The following CENPI variants were observed in gnomAD, a reference collection of about 807,000 sequenced individuals.
CENPI encodes FSH primary response 1.
CENPI carries 4 observed loss-of-function variants against 60.4 expected under a neutral mutation model. The observed-to-expected ratio is 0.07, with a 90% CI of 0.03 to 0.15. The LOEUF is 0.15. Ranked by LOEUF, CENPI falls within the 10% of genes least tolerant of loss-of-function variation. The pLI is 1.00. For synonymous variants in CENPI, 157 were observed against 189.4 expected (o/e 0.83, Z 1.40); for missense variants, 444 against 534.5 (o/e 0.83, Z 1.67).
At chrX:101,101,407 GT>G in intron 3 of CENPI, 111 bp downstream of exon 3, 3 of 543,527 alleles carry the variant, frequency 5.5e-6, no homozygotes, top group Middle Eastern at 4.5e-4. Context: ...TCATGCTTTT[GT>G]TTATTTAATA....
the CENPI span, among the ~76,000 whole-genome samples, chrX:101,177,031 A>G: frequency 2.7e-5 from 3 of 111,384 alleles, no homozygotes; most frequent in Non-Finnish European, 3.8e-5. Flanking sequence ...GGCGGGCTGA[A>G]TGTACCTGTC....
At chrX:101,124,396 CG>C (rs982064604) in intron 8 of CENPI, among the ~76,000 whole-genome samples, 5 of 110,977 alleles carry the variant, frequency 4.5e-5, no homozygotes, top group Non-Finnish European at 9.4e-5. Context: ...ATCCACATTG[CG>C]GAGGGCAGTC....
intron 8 of CENPI, 104 bp from the exon 9 acceptor site, chrX:101,126,605 G>A: frequency 1.6e-6 from 1 of 608,697 alleles, no homozygotes. Context: ...CTATATCTCA[G>A]CGAAATTATG....
chrX:101,150,628 C>A (rs1266990959), intron 20 of CENPI, among the ~76,000 whole-genome samples: 1 of 110,787 alleles, frequency 9.0e-6, no homozygotes, highest in Non-Finnish European at 1.9e-5. Flanking sequence ...CCTCAGTCTC[C>A]CAAAGTGCTG....
At chrX:101,168,823 T>C (rs891475460), downstream of CENPI, among the ~76,000 whole-genome samples, 2 of 110,796 alleles carry the variant, frequency 1.8e-5, no homozygotes, top group Non-Finnish European at 3.8e-5. Context: ...AATCCTGGAG[T>C]AGAGAGTATC....
intron 13 of CENPI, among the ~76,000 whole-genome samples, chrX:101,130,288 G>A (rs1369349718): frequency 9.0e-6 from 1 of 110,910 alleles, no homozygotes; most frequent in African/African-American, 3.3e-5. Context: ...ACAAAAATTA[G>A]CCAGGCATGG....
chrX:101,139,488 G>A (rs1176442016), intron 15 of CENPI, among the ~76,000 whole-genome samples: 1 of 112,315 alleles, frequency 8.9e-6, no homozygotes, highest in Non-Finnish European at 1.9e-5. Flanking sequence ...ATATAACATT[G>A]TAATGTTGAA....
intron 6 of CENPI, among the ~76,000 whole-genome samples, chrX:101,118,287 G>A (rs1435026810): frequency 9.0e-6 from 1 of 111,709 alleles, no homozygotes; most frequent in Non-Finnish European, 1.9e-5. Context: ...TAGAAAGTAA[G>A]GATGCAGGAT....
At chrX:101,113,321 A>T (rs2089578486) in intron 6 of CENPI, among the ~76,000 whole-genome samples, 1 of 68,908 alleles carries the variant, frequency 1.5e-5, no homozygotes, top group Non-Finnish European at 2.9e-5. Context: ...ACACACACAC[A>T]CAGAGTAGAT....
chrX:101,105,729 T>A (rs1185430416), intron 4 of CENPI, among the ~76,000 whole-genome samples: 2 of 111,407 alleles, frequency 1.8e-5, no homozygotes, highest in East Asian at 5.6e-4. Flanking sequence ...TGCGTGCCAC[T>A]GCACCCAGCC....
chrX:101,110,486 A>C (rs2089542110), intron 6 of CENPI, among the ~76,000 whole-genome samples: 1 of 112,280 alleles, frequency 8.9e-6, no homozygotes, highest in Admixed American at 9.5e-5. Flanking sequence ...TAGCATAATT[A>C]TTTCTCTTAA....
rs397842781 is a variant in CENPI, at chrX:101,124,090, A to AGTGTGTGT, written c.688-2580_688-2573dup. On this transcript the variant is annotated intron_variant, in intron 8 of 21. Transcript: ENST00000682095. ...TTGCACGGTTGTACATATAGAATCA[A>AGTGTGTGT]GTGTGTGTGTGTGTGTGTGTGTGTG... Among the ~76,000 whole-genome samples, 760 of 88,263 alleles carry AGTGTGTGT rather than the reference A, an allele frequency of 8.6e-3. 6 individuals are homozygous for AGTGTGTGT. The highest frequency in any genetic ancestry group is 0.021 in the African/African-American group (491 of 23,584). 76.6% of individuals were successfully genotyped at this position (88,263 alleles called of 115,157 possible).
intron 6 of CENPI, among the ~76,000 whole-genome samples, chrX:101,113,156 TC>T (rs1364331328): frequency 1.8e-5 from 2 of 109,689 alleles, no homozygotes; most frequent in Admixed American, 2.0e-4. Context: ...ACTCTTTTTT[TC>T]TTTTTCTTTT....
chrX:101,102,328 C>T lies in CENPI; in HGVS notation c.281C>T (p.Thr94Ile). ...AAAACCTTGGAAAAACACTTGAAAA[C>T]TGTGGAAAATGTGGCTTGGAAGAAT... ...KDKTLEKHLKTVENVAWKNGL... is the reference protein window; with the variant it reads ...KDKTLEKHLKIVENVAWKNGL... The change falls in exon 4 of 22, where the codon ACT (threonine) becomes ATT (isoleucine). Residue 94 changes from threonine to isoleucine, a missense_variant. Transcript: ENST00000682095. 1 of 1,195,316 alleles carries T rather than the reference C, an allele frequency of 8.4e-7. No homozygotes were observed. The highest frequency in any genetic ancestry group is 2.2e-5 in the Admixed American group (1 of 45,476).
In CENPI at chrX:101,100,990, C is replaced by A. The variant is rs928832756; in HGVS notation, c.-13-68C>A. The A allele has an allele frequency of 8.4e-6, 6 of 710,707 alleles. No homozygotes were observed. The South Asian group carries it at 9.8e-5, about 12-fold the overall frequency. 58.6% of individuals were successfully genotyped at this position (710,707 alleles called of 1,213,427 possible). A position where few individuals can be genotyped will look rare whatever the true frequency, so the allele number is the denominator to read the frequency against. ...TGTATACTAAATACTGGAAACACAC[C>A]CTGTCTCTGTGGAGAAAAAAGGACT... On this transcript the variant is annotated intron_variant, in intron 2 of 21. Coordinates refer to ENST00000682095, the MANE Select transcript of CENPI (RefSeq NM_001386188.2).
At chrX:101,100,411 AT>A (rs2089401075) in intron 2 of CENPI, 1 of 110,641 alleles carries the variant, frequency 9.0e-6, no homozygotes, top group Admixed American at 9.7e-5. Context: ...ATTGAGATGG[AT>A]TAGTTTTTTT....
intron 7 of CENPI, 42 bp downstream of exon 7, chrX:101,120,492 A>G: frequency 2.8e-6 from 2 of 721,939 alleles, no homozygotes. Flanking sequence ...TTGTAGAATT[A>G]GCATTTGTAT....
intron 15 of CENPI, among the ~76,000 whole-genome samples, chrX:101,139,397 G>A (rs941766774): frequency 9.0e-6 from 1 of 110,685 alleles, no homozygotes; most frequent in African/African-American, 3.3e-5. Flanking sequence ...GCCTGGCCAA[G>A]ATTTTTGTTT....
chrX:101,101,401 G>A lies in CENPI; in HGVS notation c.226+105G>A, dbSNP rs1279543218. On this transcript the variant is annotated intron_variant, in intron 3 of 21. Coordinates refer to ENST00000682095, the MANE Select transcript of CENPI (RefSeq NM_001386188.2). Reference sequence around the variant, plus strand: ...GGAAAGCATAATTTTGCTCATTCATGCTTTTGTTTATTTAATAGACATTGA... The same window carrying A: ...GGAAAGCATAATTTTGCTCATTCATACTTTTGTTTATTTAATAGACATTGA... 6 of 574,588 alleles carry A rather than the reference G, an allele frequency of 1.0e-5. No homozygotes were observed. The Admixed American group carries it at 1.9e-4, about 18-fold the overall frequency. The allele number at this position is 574,588 out of a possible 1,213,427, so 47.4% of individuals were successfully genotyped here.
Sources: allele counts gnomAD v4.1 joint callset (sites outside exome capture counted in the v4.1 genomes callset), GRCh38; gene constraint gnomAD v4.1.1; transcripts MANE v1.5; gene names NCBI Gene and HGNC (gene_info 2026-07-23, HGNC 2026-07-21).